The following CENPX variants were observed in gnomAD, a reference collection of about 807,000 sequenced individuals.
The protein encoded by CENPX is centromere protein X.
In CENPX, 13 loss-of-function variants were observed where a neutral mutation model predicts 13.2. The observed-to-expected ratio is 0.98, with a 90% CI of 0.64 to 1.56. The LOEUF is 1.56. CENPX is among the 40% of genes most tolerant of loss of function. The pLI, the probability that CENPX is intolerant of heterozygous loss-of-function variation, is 0.00. For synonymous variants in CENPX, 66 were observed against 47.2 expected, an observed-to-expected ratio of 1.40 and a Z score of -1.63; for missense variants, 138 against 107.5, an observed-to-expected ratio of 1.28 and a Z score of -1.26.
intron 1 of CENPX, among the ~76,000 whole-genome samples, chr17:82,022,468 G>T (rs998772904): frequency 6.6e-6 from 1 of 152,226 alleles, no homozygotes; most frequent in Non-Finnish European, 1.5e-5. Context: ...CCCGTCCTGG[G>T]GCCTCATCTC....
At position 82,019,677 on chromosome 17, in the gene CENPX, G is replaced by A. The variant is rs1436141548; in HGVS notation, c.106C>T (p.Gln36Ter). 3 of 1,550,336 alleles carry A rather than the reference G, an allele frequency of 1.9e-6. No individual in the cohort carries two copies. Among genetic ancestry groups the A allele is most frequent in the Non-Finnish European group, 1.7e-6 (2 of 1,146,972 alleles). The change falls in exon 3 of 5, where the codon CAG becomes TAG. Residue 36 changes from glutamine (Q) to a stop codon, truncating the protein, a stop_gained. Transcript: ENST00000392359. LOFTEE classifies it high-confidence loss of function. Reference sequence around the variant, plus strand: ...ACCTTCAGCAACTCCACCATGAGCTGCAGCGCGTCCCCGCTCACTGCAAGG... The same window carrying A: ...ACCTTCAGCAACTCCACCATGAGCTACAGCGCGTCCCCGCTCACTGCAAGG... Reference protein sequence around the residue: ...DKTKVSGDALQLMVELLKVFV... With the variant: ...DKTKVSGDAL
At chr17:82,022,338 G>T (rs573196206) in intron 1 of CENPX, among the ~76,000 whole-genome samples, 1 of 152,266 alleles carries the variant, frequency 6.6e-6, no homozygotes, top group African/African-American at 2.4e-5. Flanking sequence ...GAGCACCGAA[G>T]AAACCACGCG....
At position 82,019,729 on chromosome 17, in the gene CENPX, C is replaced by A. The variant is rs192439488; in HGVS notation, c.89-35G>T. ...AGGGGGAGGTTATGCGGGACCCTCA[C>A]CCACCGCTCTGGCTGGGTGCTCCAG... On this transcript the variant is annotated intron_variant, in intron 2 of 4. Transcript: ENST00000392359. The A allele has an allele frequency of 8.2e-4, 1,276 of 1,550,352 alleles. 15 individuals carry two copies. In the African/African-American group the frequency reaches 0.016, roughly 19 times the overall value.
intron 1 of CENPX, among the ~76,000 whole-genome samples, chr17:82,022,265 C>G (rs571361819): frequency 2.6e-5 from 4 of 152,358 alleles, no homozygotes; most frequent in African/African-American, 9.6e-5. Flanking sequence ...TCACTTAACG[C>G]CCCCGTGCCT....
Position 82,019,669 on chromosome 17 carries a change from C to T in CENPX, c.114G>A (p.Met38Ile), listed in dbSNP as rs1341665959. Reference protein sequence around the residue: ...TKVSGDALQLMVELLKVFVVE... With the variant: ...TKVSGDALQLIVELLKVFVVE... ...CAACGAAGACCTTCAGCAACTCCAC[C>T]ATGAGCTGCAGCGCGTCCCCGCTCA... Residue 38 changes from methionine (M) to isoleucine (I), a missense_variant, in exon 3 of 5, where the codon ATG becomes ATA. By Grantham distance (10) the Met-to-Ile change is conservative. Transcript: ENST00000392359. 27 of 1,550,332 alleles carry T rather than the reference C, an allele frequency of 1.7e-5. No individual in the cohort carries two copies. The highest frequency in any genetic ancestry group is 2.3e-5 in the Non-Finnish European group (26 of 1,146,962).
At chr17:82,021,150 C>T (rs1490267139) in intron 1 of CENPX, among the ~76,000 whole-genome samples, 2 of 152,214 alleles carry the variant, frequency 1.3e-5, no homozygotes, top group Non-Finnish European at 2.9e-5. Flanking sequence ...AGGTGACAAG[C>T]AGAGCATGGA....
chr17:82,019,649 A>G lies in CENPX; in HGVS notation c.134T>C (p.Phe45Ser). The G allele has an allele frequency of 6.5e-7, 1 of 1,550,234 alleles. No homozygotes were observed. The highest frequency in any genetic ancestry group is 8.7e-7 in the Non-Finnish European group (1 of 1,146,930). The change falls in exon 3 of 5, where the codon TTC becomes TCC. Residue 45 changes from phenylalanine to serine, a missense_variant. Phe to Ser is a radical substitution (Grantham distance 155). Transcript: ENST00000392359. The part of the protein sequence containing the change: ...LQLMVELLKV[F>S]VVEAAVRGVR... ...GTGGGCCCTGGGCTCACCCACAACG[A>G]AGACCTTCAGCAACTCCACCATGAG...
rs199968459 is a variant in CENPX, at chr17:82,019,397, C to T, written c.143-16G>A. The T allele has an allele frequency of 3.6e-5, 55 of 1,539,290 alleles. No homozygotes were observed. In the East Asian group the frequency reaches 1.0e-3, roughly 29 times the overall value. On this transcript the variant is annotated splice_polypyrimidine_tract_variant and intron_variant, in intron 3 of 4. Coordinates refer to ENST00000392359, the MANE Select transcript of CENPX (RefSeq NM_001271006.2). The stretch of plus-strand genomic sequence containing the variant: ...ACTGCTGCTTCTGCGGTGAGAAACG[C>T]GAGAGGTGGGGGATGCTGGGGGGAT...
intron 1 of CENPX, among the ~76,000 whole-genome samples, chr17:82,022,246 C>T (rs868642908): frequency 1.8e-4 from 27 of 152,214 alleles, no homozygotes; most frequent in Non-Finnish European, 1.5e-5. Flanking sequence ...TGACCCTAGC[C>T]CTGCTGAGTC....
intron 2 of CENPX, 74 bp downstream of exon 2, chr17:82,019,784 C>G: frequency 6.4e-7 from 1 of 1,564,746 alleles, no homozygotes; most frequent in Non-Finnish European, 8.7e-7. Flanking sequence ...AGGCCTTGGC[C>G]CTGCAGAGTT....
At chr17:82,019,513 A>T in intron 3 of CENPX, 128 bp downstream of exon 3, 1 of 1,525,804 alleles carries the variant, frequency 6.6e-7, no homozygotes, top group Non-Finnish European at 8.8e-7. Flanking sequence ...ACAGCACCTG[A>T]CAAACAGGCT....
Position 82,019,907 on chromosome 17 carries a change from C to T in CENPX, c.39G>A (p.Glu13=). ...GCAGGTGCAGCAGCCTGCTCACCAGCTCCTAGAAGGGAGGGGGGTGTCAGC... is the reference window on the plus strand; with the variant it reads ...GCAGGTGCAGCAGCCTGCTCACCAGTTCCTAGAAGGGAGGGGGGTGTCAGC... ...GAGAGSGFRK[E]LVSRLLHLHF... Residue 13 remains glutamate (E), a splice_region_variant and synonymous_variant, in exon 2 of 5, where the codon GAG becomes GAA. Coordinates refer to ENST00000392359, the MANE Select transcript of CENPX (RefSeq NM_001271006.2). The T allele has an allele frequency of 6.3e-7, 1 of 1,591,000 alleles. No homozygotes were observed.
In CENPX at chr17:82,019,904, C is replaced by T; in HGVS notation, c.42G>A (p.Leu14=). 1 of 1,592,748 alleles carries T rather than the reference C, an allele frequency of 6.3e-7. No homozygotes were observed. The highest frequency in any genetic ancestry group is 1.1e-5 in the South Asian group (1 of 89,546). ...AGTGCAGGTGCAGCAGCCTGCTCAC[C>T]AGCTCCTAGAAGGGAGGGGGGTGTC... ...AGAGSGFRKE[L]VSRLLHLHFK... is the part of the protein sequence containing the mutation. Residue 14 remains leucine, a synonymous_variant, in exon 2 of 5, where the codon CTG becomes CTA. Transcript: ENST00000392359.
chr17:82,022,744 T>C, intron 1 of CENPX, 82 bp downstream of exon 1: 1 of 1,471,244 alleles, frequency 6.8e-7, no homozygotes, highest in East Asian at 2.5e-5. Flanking sequence ...GCGCGGGGGC[T>C]GGCGTCTGGC....
chr17:82,019,486 G>C, intron 3 of CENPX, 105 bp from the exon 4 acceptor site: 1 of 1,510,014 alleles, frequency 6.6e-7, no homozygotes, highest in Non-Finnish European at 8.9e-7. Context: ...CCCACGGGCA[G>C]CCCCCAGAAC....
intron 3 of CENPX, 39 bp downstream of exon 3, chr17:82,019,601 CG>C (rs961312072): frequency 2.3e-5 from 36 of 1,550,016 alleles, no homozygotes; most frequent in Non-Finnish European, 3.0e-5. Context: ...CGCAAAATTC[CG>C]GATGCTGTGC....
Position 82,021,965 on chromosome 17 carries a change from T to C in CENPX, c.36+861A>G, listed in dbSNP as rs191318514. Among the ~76,000 whole-genome samples the C allele has an allele frequency of 3.8e-4, 58 of 152,302 alleles. No individual in the cohort carries two copies. In the East Asian group the frequency reaches 0.011, roughly 29 times the overall value. On this transcript the variant is annotated intron_variant, in intron 1 of 4. Coordinates refer to ENST00000392359, the MANE Select transcript of CENPX (RefSeq NM_001271006.2). ...GGAGAAACAGAATTCTCCCTGCTTC[T>C]ACAGGGCTGAAGTCCTCCCTCCAGG...
chr17:82,019,529 G>A (rs1247045811), intron 3 of CENPX, 112 bp downstream of exon 3: 1 of 1,537,148 alleles, frequency 6.5e-7, no homozygotes, highest in Admixed American at 2.0e-5. Flanking sequence ...AGGCTCAGGA[G>A]ACCCAAGTTT....
chr17:82,020,698 C>T (rs113464944), intron 1 of CENPX, among the ~76,000 whole-genome samples: 3 of 152,292 alleles, frequency 2.0e-5, no homozygotes, highest in Non-Finnish European at 2.9e-5. Flanking sequence ...GAGCCAGGGC[C>T]TTTCTGCCTT....
Sources: allele counts gnomAD v4.1 joint callset (sites outside exome capture counted in the v4.1 genomes callset), GRCh38; gene constraint gnomAD v4.1.1; transcripts MANE v1.5; gene names NCBI Gene and HGNC (gene_info 2026-07-23, HGNC 2026-07-21).